GPC5: variants seen among roughly 807,000 people sequenced by gnomAD.
GPC5 encodes the protein glypican 5.
A neutral mutation model predicts 53.9 loss-of-function variants in GPC5; 47 were observed. The observed-to-expected ratio is 0.87, with a 90% CI of 0.69 to 1.11. The LOEUF (loss-of-function observed/expected upper bound fraction) is 1.11, where lower values mean the gene tolerates loss of function less well. Among genes scored for constraint, GPC5 ranks in the 50% most tolerant of loss-of-function variants. The pLI, the probability that GPC5 is intolerant of heterozygous loss-of-function variation, is 0.00. For synonymous variants in GPC5, 286 were observed against 263.3 expected (o/e 1.09, Z -0.84); for missense variants, 748 against 713.1 (o/e 1.05, Z -0.56).
intron 7 of GPC5, among the ~76,000 whole-genome samples, chr13:92,354,310 T>C (rs1259591896): frequency 6.6e-6 from 1 of 152,194 alleles, no homozygotes; most frequent in Non-Finnish European, 1.5e-5. Flanking sequence ...ACAACAACAG[T>C]AATATAACTA....
intron 6 of GPC5, among the ~76,000 whole-genome samples, chr13:92,006,028 A>T (rs1474931942): frequency 6.6e-6 from 1 of 152,178 alleles, no homozygotes; most frequent in Non-Finnish European, 1.5e-5. Context: ...ACCCCAAGAC[A>T]TGAAAGAAAA....
intron 3 of GPC5, among the ~76,000 whole-genome samples, chr13:91,710,819 A>G (rs1214046438): frequency 1.3e-5 from 2 of 152,144 alleles, no homozygotes; most frequent in Non-Finnish European, 2.9e-5. Context: ...TAGTTCACTC[A>G]TGTTCATTTA....
At chr13:92,138,741 A>C (rs1288560671) in intron 6 of GPC5, among the ~76,000 whole-genome samples, 2 of 152,034 alleles carry the variant, frequency 1.3e-5, no homozygotes, top group Non-Finnish European at 2.9e-5. Context: ...AAATAATAAC[A>C]CTTGCCCCGA....
At chr13:91,550,168 T>G (rs1473317003) in intron 2 of GPC5, among the ~76,000 whole-genome samples, 1 of 152,096 alleles carries the variant, frequency 6.6e-6, no homozygotes. Flanking sequence ...CAATTCCAAC[T>G]GTATGACATT....
At chr13:92,856,590 A>C (rs916303382) in intron 7 of GPC5, among the ~76,000 whole-genome samples, 4 of 152,190 alleles carry the variant, frequency 2.6e-5, no homozygotes, top group African/African-American at 9.6e-5. Flanking sequence ...AAAATTCTAA[A>C]GAATGCCAAA....
chr13:91,857,322 A>C (rs1390052434), intron 5 of GPC5, among the ~76,000 whole-genome samples: 2 of 151,428 alleles, frequency 1.3e-5, no homozygotes, highest in African/African-American at 4.8e-5. Context: ...ACCAAATTGA[A>C]AACTGGCGTC....
chr13:91,910,709 G>A lies in GPC5; in HGVS notation c.1401+2652G>A, dbSNP rs1439262287. Among the ~76,000 whole-genome samples the A allele has an allele frequency of 3.3e-5, 5 of 152,074 alleles. No homozygotes were observed. In the East Asian group the frequency reaches 9.6e-4, roughly 29 times the overall value. On this transcript the variant is annotated intron_variant, in intron 6 of 7. Transcript: ENST00000377067. ...GGAAATAGATAAAGATTTTTACTTGGAAAATGTCACTTTTTAATGTTTTAA... is the reference window on the plus strand; with the variant it reads ...GGAAATAGATAAAGATTTTTACTTGAAAAATGTCACTTTTTAATGTTTTAA...
intron 7 of GPC5, among the ~76,000 whole-genome samples, chr13:92,167,572 T>G (rs2139016279): frequency 6.6e-6 from 1 of 152,210 alleles, no homozygotes; most frequent in African/African-American, 2.4e-5. Flanking sequence ...AAATAAATGG[T>G]TTTAAAAGAA....
intron 7 of GPC5, among the ~76,000 whole-genome samples, chr13:92,380,678 G>C (rs571343974): frequency 6.9e-6 from 1 of 145,800 alleles, no homozygotes; most frequent in Non-Finnish European, 1.5e-5. Flanking sequence ...GCAAACTATC[G>C]CAAGAACAAA....
intron 6 of GPC5, among the ~76,000 whole-genome samples, chr13:92,071,487 C>T (rs1385321889): frequency 2.6e-5 from 4 of 152,082 alleles, no homozygotes; most frequent in Non-Finnish European, 5.9e-5. Flanking sequence ...AATCTAACTT[C>T]ATTTTGTTCC....
chr13:91,800,469 A>G (rs1040315276), intron 5 of GPC5, among the ~76,000 whole-genome samples: 3 of 64,910 alleles, frequency 4.6e-5, no homozygotes, highest in African/African-American at 3.7e-4. Context: ...TAAGACCCAG[A>G]GAGAGGAGTC....
intron 5 of GPC5, among the ~76,000 whole-genome samples, chr13:91,873,104 T>C (rs897806732): frequency 6.6e-6 from 1 of 152,172 alleles, no homozygotes; most frequent in Non-Finnish European, 1.5e-5. Flanking sequence ...TGATATGCAA[T>C]TGCCATAGAA....
chr13:91,809,223 C>T (rs2038272043), intron 5 of GPC5, among the ~76,000 whole-genome samples: 1 of 152,032 alleles, frequency 6.6e-6, no homozygotes, highest in African/African-American at 2.4e-5. Flanking sequence ...CAGTTTTGTA[C>T]CTTTGATTTG....
At chr13:92,294,899 G>A (rs1226310396) in intron 7 of GPC5, among the ~76,000 whole-genome samples, 1 of 137,842 alleles carries the variant, frequency 7.3e-6, no homozygotes, top group Admixed American at 8.3e-5. Context: ...GCATGATCTT[G>A]GCTCACTACA....
At chr13:92,207,617 T>G (rs1593996309) in intron 7 of GPC5, among the ~76,000 whole-genome samples, 1 of 152,346 alleles carries the variant, frequency 6.6e-6, no homozygotes, top group East Asian at 1.9e-4. Context: ...ATGTTGAATT[T>G]GAGTATTCAC....
rs1160310908 is a variant in GPC5 at position 92,422,510 on chromosome 13, A to C, written c.1561+277521A>C. Among the ~76,000 whole-genome samples, 55 of 150,780 alleles carry C rather than the reference A, an allele frequency of 3.6e-4. 2 individuals are homozygous for C. Among genetic ancestry groups the C allele is most frequent in the African/African-American group, 1.3e-3 (52 of 40,936 alleles). On this transcript the variant is annotated intron_variant, in intron 7 of 7. Transcript: ENST00000377067. The stretch of plus-strand genomic sequence containing the variant: ...ATCTCACACACACACACACACACAC[A>C]CACACACACACACACACACACAACT...
At chr13:92,062,049 T>C (rs959448469) in intron 6 of GPC5, among the ~76,000 whole-genome samples, 9 of 151,876 alleles carry the variant, frequency 5.9e-5, no homozygotes, top group African/African-American at 2.2e-4. Flanking sequence ...TAAGAAAATA[T>C]AGACTTTCCA....
chr13:92,782,582 G>C (rs1375783548), intron 7 of GPC5, among the ~76,000 whole-genome samples: 2 of 152,136 alleles, frequency 1.3e-5, no homozygotes, highest in Non-Finnish European at 2.9e-5. Context: ...AATGCTCAAA[G>C]ACCCTACGGC....
At chr13:92,852,366 G>C (rs1878846089) in intron 7 of GPC5, among the ~76,000 whole-genome samples, 1 of 152,146 alleles carries the variant, frequency 6.6e-6, no homozygotes, top group African/African-American at 2.4e-5. Flanking sequence ...GGGAGAAGCG[G>C]TTTTAACTAG....
Sources: gnomAD v4.1 joint callset for allele counts (sites outside exome capture counted in the v4.1 genomes callset) on GRCh38, gnomAD v4.1.1 for gene constraint, MANE v1.5 for transcripts, NCBI Gene and HGNC (gene_info 2026-07-23, HGNC 2026-07-21) for gene names.